The following KIAA0586 variants were observed in gnomAD, a reference collection of about 807,000 sequenced individuals.
The protein encoded by KIAA0586 is protein TALPID3.
KIAA0586 carries 144 observed loss-of-function variants against 169.8 expected under a neutral mutation model. That is an observed-to-expected ratio of 0.85 (90% CI 0.74 to 0.97). The LOEUF (loss-of-function observed/expected upper bound fraction) is 0.97, where lower values mean the gene tolerates loss of function less well. Ranked by LOEUF, KIAA0586 falls within the 50% of genes least tolerant of loss-of-function variation. The pLI is 0.00. For missense variants in KIAA0586, 1,854 were observed against 1,823.0 expected (o/e 1.02, Z -0.31); for synonymous variants, 625 against 612.4 (o/e 1.02, Z -0.30).
At chr14:58,460,137 AAAT>A in intron 13 of KIAA0586, 67 bp downstream of exon 13, 1 of 949,964 alleles carries the variant, frequency 1.1e-6, no homozygotes, top group Non-Finnish European at 1.5e-6. Context: ...TTTAAGAGAT[AAAT>A]AATGAAGCGA....
chr14:58,531,343 A>AAAAT (rs1291724443), intron 29 of KIAA0586, among the ~76,000 whole-genome samples: 1 of 145,970 alleles, frequency 6.9e-6, no homozygotes, highest in Non-Finnish European at 1.5e-5. Flanking sequence ...AAAAAAAAAT[A>AAAAT]AAATAAATAA....
intron 29 of KIAA0586, among the ~76,000 whole-genome samples, chr14:58,525,218 A>G (rs2045494673): frequency 6.6e-6 from 1 of 152,082 alleles, no homozygotes; most frequent in Non-Finnish European, 1.5e-5. Flanking sequence ...GTTTCTCTTC[A>G]GTGAATATAT....
chr14:58,514,596 C>T (rs1193647718), intron 29 of KIAA0586, among the ~76,000 whole-genome samples: 1 of 151,960 alleles, frequency 6.6e-6, no homozygotes, highest in African/African-American at 2.4e-5. Context: ...ATTCCAGCAC[C>T]ATATTGCTAG....
chr14:58,478,712 C>T (rs1202294981), intron 20 of KIAA0586, among the ~76,000 whole-genome samples: 2 of 152,206 alleles, frequency 1.3e-5, no homozygotes, highest in Admixed American at 6.5e-5. Flanking sequence ...CCAAAAGCTT[C>T]CTTATGCCAT....
chr14:58,435,019 G>T (rs1185587031), intron 4 of KIAA0586, among the ~76,000 whole-genome samples: 2 of 152,086 alleles, frequency 1.3e-5, no homozygotes, highest in South Asian at 2.1e-4. Context: ...AAACTCCTGG[G>T]CACAAGAAGT....
At chr14:58,522,034 C>T (rs549324937) in intron 29 of KIAA0586, 71 of 1,109,802 alleles carry the variant, frequency 6.4e-5, no homozygotes, top group Middle Eastern at 6.0e-4. Context: ...CATTTCTTTA[C>T]GTAGGTGCTT....
At chr14:58,514,211 T>G (rs929569185) in intron 29 of KIAA0586, among the ~76,000 whole-genome samples, 9 of 152,110 alleles carry the variant, frequency 5.9e-5, no homozygotes, top group African/African-American at 2.2e-4. Flanking sequence ...GTGGGTTTTA[T>G]TATTTTTTTT....
chr14:58,505,474 A>G (rs1008977797), intron 27 of KIAA0586, among the ~76,000 whole-genome samples: 1 of 152,196 alleles, frequency 6.6e-6, no homozygotes, highest in African/African-American at 2.4e-5. Context: ...ACTCCAGTGT[A>G]TGTACTCCTG....
intron 29 of KIAA0586, chr14:58,521,914 T>C: frequency 7.2e-7 from 1 of 1,379,834 alleles, no homozygotes; most frequent in South Asian, 1.2e-5. Flanking sequence ...CCAGCTGGAG[T>C]TGATCAAGGA....
chr14:58,483,542 A>G (rs1351441657), intron 21 of KIAA0586, among the ~76,000 whole-genome samples: 1 of 152,120 alleles, frequency 6.6e-6, no homozygotes, highest in African/African-American at 2.4e-5. Flanking sequence ...GATTTCCTTA[A>G]TTGTTTCAAA....
intron 25 of KIAA0586, 123 bp downstream of exon 25, chr14:58,490,363 C>G: frequency 2.1e-6 from 1 of 465,406 alleles, no homozygotes; most frequent in Non-Finnish European, 3.8e-6. Context: ...GTAAAATAAC[C>G]ATGAAATAAT....
the KIAA0586 span, among the ~76,000 whole-genome samples, chr14:58,558,516 G>A: frequency 1.3e-5 from 2 of 152,182 alleles, no homozygotes; most frequent in Non-Finnish European, 2.9e-5. Flanking sequence ...AGATCCTTAA[G>A]ATCATTTACT....
intron 26 of KIAA0586, among the ~76,000 whole-genome samples, chr14:58,494,218 T>C (rs1254125476): frequency 6.6e-6 from 1 of 151,880 alleles, no homozygotes; most frequent in Non-Finnish European, 1.5e-5. Flanking sequence ...TCTTTTCTTC[T>C]CCATTCTGGG....
chr14:58,540,166 C>G, intron 30 of KIAA0586, 30 bp downstream of exon 30: 1 of 1,293,810 alleles, frequency 7.7e-7, no homozygotes. Flanking sequence ...AGTTCTTGAA[C>G]TTGGAGCTGT....
intron 28 of KIAA0586, among the ~76,000 whole-genome samples, chr14:58,511,682 A>G (rs2141469631): frequency 6.6e-6 from 1 of 152,310 alleles, no homozygotes; most frequent in South Asian, 2.1e-4. Flanking sequence ...ACCAGAGTTA[A>G]GGCTAGTTAT....
intron 29 of KIAA0586, among the ~76,000 whole-genome samples, chr14:58,523,403 C>T (rs1173752290): frequency 2.0e-5 from 3 of 152,146 alleles, no homozygotes; most frequent in Non-Finnish European, 4.4e-5. Context: ...AAAACCTCTT[C>T]AGCCCCTTCA....
intron 14 of KIAA0586, among the ~76,000 whole-genome samples, chr14:58,463,792 C>G (rs924400476): frequency 1.3e-5 from 2 of 151,260 alleles, no homozygotes; most frequent in Non-Finnish European, 2.9e-5. Context: ...TGCCACTGCA[C>G]TCCAGCCTGG....
intron 29 of KIAA0586, among the ~76,000 whole-genome samples, chr14:58,517,663 C>T (rs1386811335): frequency 3.3e-5 from 5 of 152,158 alleles, no homozygotes; most frequent in African/African-American, 1.2e-4. Context: ...CACACAAAAC[C>T]TGTACTCAAA....
chr14:58,473,409 GA>G (rs1313784004), intron 18 of KIAA0586, among the ~76,000 whole-genome samples: 14 of 152,248 alleles, frequency 9.2e-5, no homozygotes, highest in East Asian at 3.9e-4. Context: ...AAACACATAT[GA>G]TTTTTTTGTA....
Sources: gnomAD v4.1 joint callset for allele counts (sites outside exome capture counted in the v4.1 genomes callset) on GRCh38, gnomAD v4.1.1 for gene constraint, MANE v1.5 for transcripts, NCBI Gene and HGNC (gene_info 2026-07-23, HGNC 2026-07-21) for gene names.